CNTNAP2: variants seen among roughly 807,000 people sequenced by gnomAD.
CNTNAP2 encodes contactin associated protein 2, also known as contactin-associated protein-like 2.
In CNTNAP2, 98 loss-of-function variants were observed where a neutral mutation model predicts 155.2. The ratio of observed to expected loss-of-function variants is 0.63; its 90% CI spans 0.54 to 0.75. The LOEUF is 0.75. Among genes scored for constraint, CNTNAP2 ranks in the 30% least tolerant of loss-of-function variants. The pLI, the probability that CNTNAP2 is intolerant of heterozygous loss-of-function variation, is 0.00. For synonymous variants in CNTNAP2, 651 were observed against 631.2 expected, an observed-to-expected ratio of 1.03 and a Z score of -0.47; for missense variants, 1,727 against 1,688.1, an observed-to-expected ratio of 1.02 and a Z score of -0.40.
chr7:148,247,595 TTCTC>T (rs140317251), intron 20 of CNTNAP2, among the ~76,000 whole-genome samples: 2,118 of 132,832 alleles, frequency 0.016, 63 homozygotes, highest in African/African-American at 0.053. Flanking sequence ...GCTTCTCCCA[TTCTC>T]TCTCTCTCTC....
chr7:146,453,396 C>T (rs1796510341), intron 1 of CNTNAP2, among the ~76,000 whole-genome samples: 1 of 152,116 alleles, frequency 6.6e-6, no homozygotes, highest in Non-Finnish European at 1.5e-5. Flanking sequence ...GCTCTGATCT[C>T]AACTAACAAC....
At chr7:146,660,190 A>C (rs1420440001) in intron 1 of CNTNAP2, among the ~76,000 whole-genome samples, 1 of 152,234 alleles carries the variant, frequency 6.6e-6, no homozygotes. Context: ...TTCACTGGTA[A>C]ATAATCTCAT....
At position 146,904,974 on chromosome 7, in the gene CNTNAP2, G is replaced by A. The variant is rs115585579; in HGVS notation, c.402+65070G>A. On this transcript the variant is annotated intron_variant, in intron 3 of 23. Coordinates refer to ENST00000361727, the MANE Select transcript of CNTNAP2 (RefSeq NM_014141.6). ...ACCTTACCACCGCATACTGGATGTGGCAATGAAGTAGAACACCAGCCTAGT... is the reference window on the plus strand; with the variant it reads ...ACCTTACCACCGCATACTGGATGTGACAATGAAGTAGAACACCAGCCTAGT... Among the ~76,000 whole-genome samples the A allele has an allele frequency of 4.2e-3, 633 of 152,238 alleles. 3 individuals carry two copies. The highest frequency in any genetic ancestry group is 0.013 in the African/African-American group (555 of 41,554).
intron 14 of CNTNAP2, among the ~76,000 whole-genome samples, 171 bp from the exon 15 acceptor site, chr7:147,977,691 C>A (rs1289731869): frequency 2.0e-5 from 3 of 152,168 alleles, no homozygotes; most frequent in Admixed American, 2.0e-4. Context: ...GAGCAATGTG[C>A]TATGAGACCA....
chr7:147,022,292 T>C (rs113496867), intron 3 of CNTNAP2, among the ~76,000 whole-genome samples: 2 of 152,138 alleles, frequency 1.3e-5, no homozygotes, highest in African/African-American at 4.8e-5. Flanking sequence ...CTGTGACGAG[T>C]TCACTATTCC....
chr7:146,468,461 G>A (rs1796747565), intron 1 of CNTNAP2, among the ~76,000 whole-genome samples: 1 of 151,160 alleles, frequency 6.6e-6, no homozygotes, highest in Non-Finnish European at 1.5e-5. Context: ...AAAAAAAGAA[G>A]ACAATGATCT....
At position 147,055,155 on chromosome 7, in the gene CNTNAP2, A is replaced by G. The variant is rs541328502; in HGVS notation, c.550+11101A>G. Among the ~76,000 whole-genome samples, 12 of 152,268 alleles carry G rather than the reference A, an allele frequency of 7.9e-5. No individual in the cohort carries two copies. The South Asian group carries it at 2.3e-3, about 29-fold the overall frequency. ...CAAATAATAATATTTGCTAGGAAAA[A>G]AGTCCTTATTTATGGAATGTTTTTA... On this transcript the variant is annotated intron_variant, in intron 4 of 23. Coordinates refer to ENST00000361727, the MANE Select transcript of CNTNAP2 (RefSeq NM_014141.6).
At chr7:146,974,478 GT>G (rs890985389) in intron 3 of CNTNAP2, among the ~76,000 whole-genome samples, 103 of 151,966 alleles carry the variant, frequency 6.8e-4, no homozygotes, top group African/African-American at 2.4e-3. Flanking sequence ...AATAAAGTCA[GT>G]TACTTATTTA....
At position 146,192,181 on chromosome 7, in the gene CNTNAP2, T is replaced by C. The variant is rs371399543; in HGVS notation, c.97+75208T>C. The stretch of plus-strand genomic sequence containing the variant: ...AGCCGGTCCCTCCGTTCGGGGTCCC[T>C]GACTTCCCACAACAACCAATAACTT... On this transcript the variant is annotated intron_variant, in intron 1 of 23. Coordinates refer to ENST00000361727, the MANE Select transcript of CNTNAP2 (RefSeq NM_014141.6). Among the ~76,000 whole-genome samples, 451 of 152,336 alleles carry C rather than the reference T, an allele frequency of 3.0e-3. 5 individuals carry two copies. The highest frequency in any genetic ancestry group is 0.014 in the Middle Eastern group (4 of 294).
At chr7:146,578,692 A>G (rs963645208) in intron 1 of CNTNAP2, among the ~76,000 whole-genome samples, 2 of 152,144 alleles carry the variant, frequency 1.3e-5, no homozygotes, top group Admixed American at 1.3e-4. Flanking sequence ...TGAGAAAATT[A>G]AAGATTCAAA....
intron 21 of CNTNAP2, among the ~76,000 whole-genome samples, chr7:148,365,678 A>ATG (rs567903543): frequency 7.6e-5 from 9 of 118,420 alleles, no homozygotes; most frequent in African/African-American, 1.8e-4. Context: ...TATACTTGAG[A>ATG]TGTATATATA....
intron 13 of CNTNAP2, among the ~76,000 whole-genome samples, chr7:147,847,911 G>C (rs1028351150): frequency 3.2e-5 from 4 of 124,290 alleles, no homozygotes; most frequent in Admixed American, 8.9e-5. Flanking sequence ...GGCTGCTCGG[G>C]GGTCAGGGGT....
intron 4 of CNTNAP2, among the ~76,000 whole-genome samples, chr7:147,047,642 A>C (rs762712896): frequency 6.6e-6 from 1 of 152,194 alleles, no homozygotes; most frequent in Admixed American, 6.5e-5. Flanking sequence ...AACATTGTCA[A>C]TGAAGTTACT....
intron 1 of CNTNAP2, among the ~76,000 whole-genome samples, chr7:146,728,679 A>G (rs1801474745): frequency 6.6e-6 from 1 of 151,746 alleles, no homozygotes; most frequent in Non-Finnish European, 1.5e-5. Context: ...TGTATTAACT[A>G]GTAGAAAAAA....
intron 3 of CNTNAP2, among the ~76,000 whole-genome samples, chr7:146,883,556 G>A (rs923853506): frequency 5.9e-5 from 9 of 152,128 alleles, no homozygotes; most frequent in East Asian, 1.9e-4. Flanking sequence ...TTAGGACAAC[G>A]AAGAGAAGAT....
At chr7:146,854,264 AG>A (rs1315257800) in intron 3 of CNTNAP2, among the ~76,000 whole-genome samples, 1 of 152,246 alleles carries the variant, frequency 6.6e-6, no homozygotes, top group East Asian at 1.9e-4. Flanking sequence ...GGTCATGGCT[AG>A]AAGAGGATAC....
At chr7:146,420,067 G>A (rs182572525) in intron 1 of CNTNAP2, among the ~76,000 whole-genome samples, 18 of 152,222 alleles carry the variant, frequency 1.2e-4, no homozygotes, top group Non-Finnish European at 1.9e-4. Flanking sequence ...GAGAAGAAAC[G>A]GAGCTCTGTT....
intron 4 of CNTNAP2, among the ~76,000 whole-genome samples, chr7:147,091,062 T>C (rs1208579046): frequency 6.6e-6 from 1 of 152,070 alleles, no homozygotes; most frequent in African/African-American, 2.4e-5. Flanking sequence ...ATTAAAGTGA[T>C]GTCAGCTTTC....
At chr7:148,188,171 T>C (rs1271846842) in intron 18 of CNTNAP2, among the ~76,000 whole-genome samples, 2 of 152,232 alleles carry the variant, frequency 1.3e-5, no homozygotes, top group African/African-American at 4.8e-5. Context: ...CCAAAATGAT[T>C]TCCTTTGAAA....
Sources: gnomAD v4.1 joint callset for allele counts (sites outside exome capture counted in the v4.1 genomes callset) on GRCh38, gnomAD v4.1.1 for gene constraint, MANE v1.5 for transcripts, NCBI Gene and HGNC (gene_info 2026-07-23, HGNC 2026-07-21) for gene names.